Variants in RSRC1 observed in about 807,000 individuals in gnomAD.
RSRC1 encodes arginine and serine rich coiled-coil 1.
In RSRC1, 39 loss-of-function variants were observed where a neutral mutation model predicts 49.1. The observed-to-expected ratio is 0.79, with a 90% CI of 0.61 to 1.04. RSRC1 has a LOEUF of 1.04. RSRC1 is among the 50% of genes least tolerant of loss of function. The probability of loss-of-function intolerance (pLI) is 0.00; values close to 1 mark genes in which losing one functional copy is unlikely to be tolerated. For synonymous variants in RSRC1, 143 were observed against 130.8 expected (o/e 1.09, Z -0.63); for missense variants, 388 against 402.4 (o/e 0.96, Z 0.31).
chr3:158,542,406 G>T (rs1429187986), intron 8 of RSRC1, among the ~76,000 whole-genome samples: 3 of 152,154 alleles, frequency 2.0e-5, no homozygotes, highest in Non-Finnish European at 2.9e-5. Context: ...ATGGTGGTGT[G>T]CACCTGTAAT....
At chr3:158,263,998 C>T (rs139497364) in intron 4 of RSRC1, among the ~76,000 whole-genome samples, 13 of 152,164 alleles carry the variant, frequency 8.5e-5, no homozygotes, top group Non-Finnish European at 1.6e-4. Flanking sequence ...TTGTTTTCAT[C>T]GATTTTTCTC....
chr3:158,338,553 T>C lies in RSRC1; in HGVS notation c.532-16304T>C, dbSNP rs1276205069. ...ACAGTACCTACACTGCAAATATGTT[T>C]AGTAGTTTTTTAAAGTTGTGCATCT... On this transcript the variant is annotated intron_variant, in intron 5 of 9. Coordinates refer to ENST00000611884, the MANE Select transcript of RSRC1 (RefSeq NM_001271838.2). Among the ~76,000 whole-genome samples the C allele has an allele frequency of 2.0e-5, 3 of 152,196 alleles. No homozygotes were observed. In the East Asian group the frequency reaches 5.8e-4, roughly 29 times the overall value.
chr3:158,288,203 A>G (rs1040920473), intron 4 of RSRC1, among the ~76,000 whole-genome samples: 1 of 151,994 alleles, frequency 6.6e-6, no homozygotes, highest in Admixed American at 6.6e-5. Context: ...CTTTGAGCTC[A>G]CTCTTCGCGC....
intron 3 of RSRC1, among the ~76,000 whole-genome samples, chr3:158,132,814 A>G (rs1716128764): frequency 6.6e-6 from 1 of 152,178 alleles, no homozygotes; most frequent in African/African-American, 2.4e-5. Flanking sequence ...TTCAGAATTC[A>G]TTTATTTGTA....
chr3:158,265,127 G>T (rs1725098045), intron 4 of RSRC1, among the ~76,000 whole-genome samples: 1 of 152,132 alleles, frequency 6.6e-6, no homozygotes, highest in Admixed American at 6.6e-5. Flanking sequence ...CTCCTCTGTT[G>T]CACTGGGACC....
At chr3:158,457,516 G>A (rs1737393078) in intron 6 of RSRC1, among the ~76,000 whole-genome samples, 1 of 152,144 alleles carries the variant, frequency 6.6e-6, no homozygotes, top group Non-Finnish European at 1.5e-5. Context: ...CTGGTGATCA[G>A]GAGAGGGACC....
intron 4 of RSRC1, among the ~76,000 whole-genome samples, chr3:158,282,276 G>C (rs1726226102): frequency 6.6e-6 from 1 of 152,210 alleles, no homozygotes; most frequent in South Asian, 2.1e-4. Flanking sequence ...GGTATCCACA[G>C]ATTTAATATT....
chr3:158,453,830 T>C (rs1737181166), intron 6 of RSRC1, among the ~76,000 whole-genome samples: 1 of 152,152 alleles, frequency 6.6e-6, no homozygotes, highest in African/African-American at 2.4e-5. Flanking sequence ...TTTTAAAATT[T>C]CTTCTGCATC....
chr3:158,217,903 G>A (rs1242677000), intron 4 of RSRC1, among the ~76,000 whole-genome samples: 1 of 151,526 alleles, frequency 6.6e-6, no homozygotes, highest in Non-Finnish European at 1.5e-5. Flanking sequence ...AATAGTTGGG[G>A]CAAACTTTCC....
At chr3:158,186,184 G>A (rs964951224) in intron 3 of RSRC1, among the ~76,000 whole-genome samples, 2 of 151,854 alleles carry the variant, frequency 1.3e-5, no homozygotes, top group African/African-American at 4.8e-5. Context: ...AAATATAAAT[G>A]TATAAAAATG....
chr3:158,455,067 A>G (rs370142093), intron 6 of RSRC1, among the ~76,000 whole-genome samples: 2 of 152,140 alleles, frequency 1.3e-5, no homozygotes, highest in African/African-American at 4.8e-5. Flanking sequence ...ATTTGCCCCA[A>G]GGCTATCTCC....
intron 7 of RSRC1, among the ~76,000 whole-genome samples, chr3:158,519,898 C>G (rs894825571): frequency 2.6e-5 from 4 of 151,924 alleles, no homozygotes; most frequent in African/African-American, 7.3e-5. Context: ...TTGGAGTACT[C>G]TAATGTTAGA....
At chr3:158,416,057 CTATTT>C (rs1734721480) in intron 6 of RSRC1, among the ~76,000 whole-genome samples, 2 of 151,872 alleles carry the variant, frequency 1.3e-5, no homozygotes, top group Admixed American at 1.3e-4. Context: ...TACTTGATAC[CTATTT>C]TATTTGTGCT....
At chr3:158,430,266 A>G (rs1156617473) in intron 6 of RSRC1, among the ~76,000 whole-genome samples, 5 of 151,862 alleles carry the variant, frequency 3.3e-5, no homozygotes, top group African/African-American at 1.2e-4. Context: ...CTTTCAAAGC[A>G]GCGATGGCAG....
chr3:158,444,117 G>A (rs1247347943), intron 6 of RSRC1, among the ~76,000 whole-genome samples: 1 of 151,904 alleles, frequency 6.6e-6, no homozygotes, highest in African/African-American at 2.4e-5. Flanking sequence ...AGTATTGTCA[G>A]AATTACCAAA....
chr3:158,514,547 A>G, intron 7 of RSRC1, among the ~76,000 whole-genome samples: 1 of 152,038 alleles, frequency 6.6e-6, no homozygotes, highest in Non-Finnish European at 1.5e-5. Context: ...GTATGTGGTC[A>G]ATTTTGGAAT....
At position 158,476,692 on chromosome 3, in the gene RSRC1, C is replaced by G. The variant is rs150677232; in HGVS notation, c.652+15689C>G. 4.2e-3 allele frequency among the ~76,000 whole-genome samples: 637 copies of G among 152,278 alleles called. 5 individuals are homozygous for G. The highest frequency in any genetic ancestry group is 0.015 in the African/African-American group (615 of 41,566). On this transcript the variant is annotated intron_variant, in intron 7 of 9. Transcript: ENST00000611884. ...AGACTTCTTTCAAAATATTAATGCA[C>G]ATTGACATGTACAAGGAGAATAATG... is the stretch of plus-strand genomic sequence containing the variant.
At chr3:158,382,316 A>G (rs1732746824) in intron 6 of RSRC1, among the ~76,000 whole-genome samples, 1 of 152,058 alleles carries the variant, frequency 6.6e-6, no homozygotes, top group South Asian at 2.1e-4. Context: ...ACTTTTTTTT[A>G]TAAGTAGAAG....
chr3:158,314,284 G>A (rs1728287402), intron 5 of RSRC1, among the ~76,000 whole-genome samples: 1 of 151,942 alleles, frequency 6.6e-6, no homozygotes, highest in Non-Finnish European at 1.5e-5. Flanking sequence ...GTAGAGACAG[G>A]GTTTCGCCAT....
Sources: allele counts gnomAD v4.1 joint callset (sites outside exome capture counted in the v4.1 genomes callset), GRCh38; gene constraint gnomAD v4.1.1; transcripts MANE v1.5; gene names NCBI Gene and HGNC (gene_info 2026-07-23, HGNC 2026-07-21).